The following RNF111 variants were observed in gnomAD, a reference collection of about 807,000 sequenced individuals.
RNF111 encodes the protein ring finger protein 111.
RNF111 carries 17 observed loss-of-function variants against 95.1 expected under a neutral mutation model. The ratio of observed to expected loss-of-function variants is 0.18; its 90% confidence interval spans 0.12 to 0.27. The LOEUF (loss-of-function observed/expected upper bound fraction) is 0.27. Ranked by LOEUF, RNF111 falls within the 10% of genes least tolerant of loss-of-function variation. The pLI is 1.00. For synonymous variants in RNF111, 440 were observed against 414.8 expected, an observed-to-expected ratio of 1.06 and a Z score of -0.74; for missense variants, 1,189 against 1,210.4, an observed-to-expected ratio of 0.98 and a Z score of 0.26.
At chr15:59,011,473 G>A (rs2039809315) in intron 1 of RNF111, among the ~76,000 whole-genome samples, 1 of 152,202 alleles carries the variant, frequency 6.6e-6, no homozygotes, top group Non-Finnish European at 1.5e-5. Context: ...TTGGGCTGCG[G>A]TAATGAAATG....
chr15:59,012,740 T>C, intron 1 of RNF111, among the ~76,000 whole-genome samples: 1 of 134,416 alleles, frequency 7.4e-6, no homozygotes, highest in East Asian at 2.4e-4. Flanking sequence ...CAACTCTTTT[T>C]TTCTTTTTTT....
At position 59,084,194 on chromosome 15, in the gene RNF111, A is replaced by T. The variant is rs2078831518; in HGVS notation, c.2363A>T (p.His788Leu). Residue 788 changes from histidine to leucine, a missense_variant, in exon 9 of 14, where the codon CAT (histidine) becomes CTT (leucine). His to Leu is a moderately conservative substitution (Grantham distance 99, BLOSUM62 -3). Transcript: ENST00000348370. ...CACCCAAACTATGGTCATGGGCATC[A>T]TATTCATGTGCCTCAGACTATGTCC... ...RMHPNYGHGH[H>L]IHVPQTMSSH... is the part of the protein sequence containing the mutation. 1 of 1,601,736 alleles carries T rather than the reference A, an allele frequency of 6.2e-7. No homozygotes were observed. The highest frequency in any genetic ancestry group is 1.4e-5 in the African/African-American group (1 of 74,036).
intron 9 of RNF111, among the ~76,000 whole-genome samples, chr15:59,084,670 C>T (rs761832848): frequency 6.6e-5 from 10 of 151,936 alleles, no homozygotes; most frequent in Admixed American, 3.3e-4. Flanking sequence ...GTACGTTATT[C>T]TTCACTGTAG....
At chr15:59,048,350 A>G (rs943961536) in intron 2 of RNF111, among the ~76,000 whole-genome samples, 5 of 152,234 alleles carry the variant, frequency 3.3e-5, no homozygotes, top group African/African-American at 1.2e-4. Flanking sequence ...CCAAAAGTGT[A>G]TGCAATGTGT....
In RNF111 at chr15:59,052,366, T is replaced by C; in HGVS notation, c.942T>C (p.Asn314=). 1 of 1,607,022 alleles carries C rather than the reference T, an allele frequency of 6.2e-7. No homozygotes were observed. The highest frequency in any genetic ancestry group is 2.2e-5 in the East Asian group (1 of 44,530). Reference sequence around the variant, plus strand: ...CCTCCACTCCCCAGGTTACTGCCAATGAAGAAATTAATGTTACCTCAACTG... The same window carrying C: ...CCTCCACTCCCCAGGTTACTGCCAACGAAGAAATTAATGTTACCTCAACTG... ...EASSTPQVTA[N]EEINVTSTDS... is the part of the protein sequence containing the mutation. The change falls in exon 3 of 14, where the codon AAT becomes AAC. Residue 314 remains asparagine, a synonymous_variant. Coordinates refer to ENST00000348370, the MANE Select transcript of RNF111 (RefSeq NM_017610.8).
chr15:59,087,806 A>C (rs1021048707), intron 10 of RNF111, among the ~76,000 whole-genome samples: 1 of 152,180 alleles, frequency 6.6e-6, no homozygotes, highest in Non-Finnish European at 1.5e-5. Flanking sequence ...ATGTTGTTCA[A>C]GGGTGAACTG....
At chr15:59,086,736 T>A (rs532956745) in intron 10 of RNF111, among the ~76,000 whole-genome samples, 1 of 152,312 alleles carries the variant, frequency 6.6e-6, no homozygotes, top group South Asian at 2.1e-4. Context: ...GAACTCCAAG[T>A]AAGCTGGTGT....
intron 7 of RNF111, among the ~76,000 whole-genome samples, chr15:59,078,421 G>T (rs1254728150): frequency 2.0e-5 from 3 of 152,078 alleles, no homozygotes; most frequent in African/African-American, 7.2e-5. Flanking sequence ...TGAGCATGTA[G>T]TTCCTGCTCT....
At chr15:59,081,658 A>C (rs2078748165) in intron 8 of RNF111, among the ~76,000 whole-genome samples, 1 of 151,982 alleles carries the variant, frequency 6.6e-6, no homozygotes, top group Non-Finnish European at 1.5e-5. Context: ...AGGAGTTCAA[A>C]GCTGAGCTAT....
At chr15:59,060,847 G>C (rs1349884891) in intron 5 of RNF111, among the ~76,000 whole-genome samples, 1 of 150,336 alleles carries the variant, frequency 6.7e-6, no homozygotes, top group African/African-American at 2.5e-5. Flanking sequence ...TGTTGCCCAG[G>C]CCTGTGTGCA....
intron 1 of RNF111, chr15:59,004,119 G>C: frequency 8.4e-7 from 1 of 1,196,146 alleles, no homozygotes; most frequent in Non-Finnish European, 1.1e-6. Flanking sequence ...TTTTATTCCA[G>C]TGTGAATGCA....
chr15:59,071,663 C>T (rs1367469492), intron 6 of RNF111, among the ~76,000 whole-genome samples: 1 of 151,674 alleles, frequency 6.6e-6, no homozygotes, highest in African/African-American at 2.4e-5. Flanking sequence ...CCACTGCACT[C>T]CAGCCTGGGT....
intron 6 of RNF111, among the ~76,000 whole-genome samples, chr15:59,071,443 G>A (rs749850780): frequency 8.5e-5 from 13 of 152,182 alleles, no homozygotes; most frequent in Non-Finnish European, 1.6e-4. Flanking sequence ...AGCACCTTGG[G>A]AGGCTGAGAC....
chr15:59,078,092 C>A (rs1233883297), intron 7 of RNF111, among the ~76,000 whole-genome samples: 1 of 152,184 alleles, frequency 6.6e-6, no homozygotes. Flanking sequence ...CCAGCTCTGA[C>A]TAATTAGCTT....
intron 5 of RNF111, among the ~76,000 whole-genome samples, chr15:59,065,071 T>C (rs2042599285): frequency 6.6e-6 from 1 of 151,984 alleles, no homozygotes; most frequent in Non-Finnish European, 1.5e-5. Flanking sequence ...TTGAGCCCCA[T>C]AGGAGCAGGG....
intron 1 of RNF111, among the ~76,000 whole-genome samples, chr15:59,003,420 A>G (rs1204444370): frequency 6.6e-6 from 1 of 151,366 alleles, no homozygotes; most frequent in Non-Finnish European, 1.5e-5. Flanking sequence ...CTTTTTTGAG[A>G]CAGAGTCTGG....
Position 59,095,746 on chromosome 15 carries a change from G to C in RNF111, c.*846G>C. The C allele has an allele frequency of 2.9e-6, 1 of 341,392 alleles. No individual in the cohort carries two copies. Among genetic ancestry groups the C allele is most frequent in the Non-Finnish European group, 5.2e-6 (1 of 190,802 alleles). 21.1% of individuals were successfully genotyped at this position (341,392 alleles called of 1,614,324 possible). On this transcript the variant is annotated 3_prime_UTR_variant, in exon 14 of 14. Coordinates refer to ENST00000348370, the MANE Select transcript of RNF111 (RefSeq NM_017610.8). ...TACTTGCAGATTTAACAAAATTTTA[G>C]GGAAATTGAAAAAGACATGTAGAAT...
chr15:59,074,256 C>A (rs1290467657), intron 6 of RNF111, among the ~76,000 whole-genome samples: 1 of 152,166 alleles, frequency 6.6e-6, no homozygotes, highest in Admixed American at 6.5e-5. Context: ...CTACATTAGA[C>A]CCTAACAAGA....
At chr15:59,008,182 T>G (rs1463752227) in intron 1 of RNF111, among the ~76,000 whole-genome samples, 1 of 152,212 alleles carries the variant, frequency 6.6e-6, no homozygotes, top group Non-Finnish European at 1.5e-5. Context: ...ATTCCTTTTT[T>G]TCCTATCTGG....
Sources: gnomAD v4.1 joint callset for allele counts (sites outside exome capture counted in the v4.1 genomes callset) on GRCh38, gnomAD v4.1.1 for gene constraint, MANE v1.5 for transcripts, NCBI Gene and HGNC (gene_info 2026-07-23, HGNC 2026-07-21) for gene names.